Variants in ESRRA observed in about 807,000 individuals in gnomAD.
ESRRA encodes steroid hormone receptor ERR1.
ESRRA carries 7 observed loss-of-function variants against 35.6 expected under a neutral mutation model. That is an observed-to-expected ratio of 0.20 (90% CI 0.11 to 0.37). The LOEUF (loss-of-function observed/expected upper bound fraction) is 0.37, where lower values mean the gene tolerates loss of function less well. Among genes scored for constraint, ESRRA ranks in the 10% least tolerant of loss-of-function variants. ESRRA has a pLI of 1.00. For missense variants in ESRRA, 378 were observed against 561.7 expected (o/e 0.67, Z 3.31); for synonymous variants, 223 against 246.9 (o/e 0.90, Z 0.91).
chr11:64,314,709 T>G, intron 4 of ESRRA, 32 bp from the exon 5 acceptor site: 1 of 1,589,176 alleles, frequency 6.3e-7, no homozygotes, highest in Non-Finnish European at 8.6e-7. Flanking sequence ...CAGATTCGAG[T>G]GCTCCTGACT....
intron 2 of ESRRA, among the ~76,000 whole-genome samples, chr11:64,307,783 G>C (rs41294392): frequency 9.8e-5 from 15 of 152,316 alleles, no homozygotes; most frequent in Non-Finnish European, 2.1e-4. Context: ...GGCAGCCTCT[G>C]TCTGTTCCTA....
Position 64,316,438 on chromosome 11 carries a change from C to T in ESRRA, c.*472C>T, listed in dbSNP as rs2035266935. 1 of 200,882 alleles carries T rather than the reference C, an allele frequency of 5.0e-6. No homozygotes were observed. Among genetic ancestry groups the T allele is most frequent in the Non-Finnish European group, 1.0e-5 (1 of 96,254 alleles). 12.4% of individuals were successfully genotyped at this position (200,882 alleles called of 1,614,324 possible). A position where few individuals can be genotyped will look rare whatever the true frequency, so the allele number is the denominator to read the frequency against. On this transcript the variant is annotated 3_prime_UTR_variant, in exon 7 of 7. Transcript: ENST00000000442. ...TCATTTGCATTGGGCATTAGTGTCC[C>T]CCCTTGAAGCAATAACTCCAAGCAG...
In ESRRA at chr11:64,313,916, G is replaced by C. The variant is rs1158777504; in HGVS notation, c.326-35G>C. On this transcript the variant is annotated intron_variant, in intron 2 of 6. Coordinates refer to ENST00000000442, the MANE Select transcript of ESRRA (RefSeq NM_004451.5). This position sits in a 1 kb window ranked among gnomAD's most constrained non-coding sequence, Gnocchi z 4.0. Reference sequence around the variant, plus strand: ...CAGCTGGGTCCCCTCCCAGCCCCGGGAGGCCGCCACTGGAGCCCTGCCTCT... The same window carrying C: ...CAGCTGGGTCCCCTCCCAGCCCCGGCAGGCCGCCACTGGAGCCCTGCCTCT... The C allele has an allele frequency of 6.8e-7, 1 of 1,465,262 alleles. No homozygotes were observed. Among genetic ancestry groups the C allele is most frequent in the Non-Finnish European group, 9.3e-7 (1 of 1,078,798 alleles). The allele number at this position is 1,465,262 out of a possible 1,614,324, so 90.8% of individuals were successfully genotyped here. A position where few individuals can be genotyped will look rare whatever the true frequency, so the allele number is the denominator to read the frequency against.
At position 64,313,869 on chromosome 11, in the gene ESRRA, G is replaced by C; in HGVS notation, c.326-82G>C. On this transcript the variant is annotated intron_variant, in intron 2 of 6. Transcript: ENST00000000442. The surrounding 1 kb of genome is among the most constrained non-coding windows in gnomAD (Gnocchi z 4.0). Reference sequence around the variant, plus strand: ...ATACCCCCAGACCTGTGCTTGCCCGGGGAGAGTCAGGGCTCTCCTGTCAGC... The same window carrying C: ...ATACCCCCAGACCTGTGCTTGCCCGCGGAGAGTCAGGGCTCTCCTGTCAGC... 7.5e-6 allele frequency: 7 copies of C among 929,706 alleles called. No individual in the cohort carries two copies. The highest frequency in any genetic ancestry group is 4.8e-5 in the South Asian group (3 of 62,140). 57.6% of individuals were successfully genotyped at this position (929,706 alleles called of 1,614,324 possible).
At chr11:64,309,673 C>G (rs1424563262) in intron 2 of ESRRA, among the ~76,000 whole-genome samples, 1 of 150,888 alleles carries the variant, frequency 6.6e-6, no homozygotes, top group African/African-American at 2.4e-5. Flanking sequence ...GTGGCTCACA[C>G]CTGTAATCTC....
rs1344586273 is a variant in ESRRA at position 64,316,046 on chromosome 11, G to T, written c.*80G>T. ...GCCCCAAGGGCTGGGGCGGAGCTGGGGTCTGGGCAGTGCCACAGCCTGCTG... is the reference window on the plus strand; with the variant it reads ...GCCCCAAGGGCTGGGGCGGAGCTGGTGTCTGGGCAGTGCCACAGCCTGCTG... On this transcript the variant is annotated 3_prime_UTR_variant, in exon 7 of 7. Transcript: ENST00000000442. 28 of 1,479,440 alleles carry T rather than the reference G, an allele frequency of 1.9e-5. No homozygotes were observed. The highest frequency in any genetic ancestry group is 2.4e-5 in the Non-Finnish European group (26 of 1,102,842). The allele number at this position is 1,479,440 out of a possible 1,614,324, so 91.6% of individuals were successfully genotyped here.
intron 6 of ESRRA, 68 bp downstream of exon 6, chr11:64,315,338 T>C (rs2135261666): frequency 4.1e-6 from 6 of 1,469,602 alleles, no homozygotes; most frequent in Admixed American, 2.4e-5. Flanking sequence ...TCAGTGACGG[T>C]AGCACAGCCC....
intron 1 of ESRRA, 86 bp from the exon 2 acceptor site, chr11:64,307,082 C>T: frequency 1.7e-6 from 2 of 1,201,634 alleles, no homozygotes; most frequent in East Asian, 5.0e-5. Context: ...TGGCCCTAGG[C>T]CCGAGGTTGG....
intron 2 of ESRRA, among the ~76,000 whole-genome samples, chr11:64,310,095 G>A (rs2035110332): frequency 6.6e-6 from 1 of 152,138 alleles, no homozygotes; most frequent in African/African-American, 2.4e-5. Context: ...TCACAACTAG[G>A]AAATGGCAGA....
intron 6 of ESRRA, 140 bp from the exon 7 acceptor site, chr11:64,315,567 A>G (rs1441755911): frequency 7.3e-6 from 9 of 1,237,802 alleles, no homozygotes; most frequent in Non-Finnish European, 1.0e-5. Flanking sequence ...AGCCGCAGCA[A>G]TGAGTGGTGC....
chr11:64,315,561 G>A (rs2035232009), intron 6 of ESRRA, 146 bp from the exon 7 acceptor site: 45 of 1,195,822 alleles, frequency 3.8e-5, no homozygotes, highest in South Asian at 2.0e-4. Context: ...CCCACGAGCC[G>A]CAGCAATGAG....
Position 64,313,454 on chromosome 11 carries a change from C to G in ESRRA, c.326-497C>G, listed in dbSNP as rs2035180551. Among the ~76,000 whole-genome samples the G allele has an allele frequency of 6.6e-6, 1 of 152,114 alleles. No individual in the cohort carries two copies. The highest frequency in any genetic ancestry group is 2.4e-5 in the African/African-American group (1 of 41,400). ...AGATGAGCTCCAAGGACAGCCCTGG[C>G]AGTCTGGATGGAAGAGCTTGGGAAG... On this transcript the variant is annotated intron_variant, in intron 2 of 6. Coordinates refer to ENST00000000442, the MANE Select transcript of ESRRA (RefSeq NM_004451.5). The surrounding 1 kb of genome is among the most constrained non-coding windows in gnomAD (Gnocchi z 4.0).
chr11:64,311,169 A>G (rs2135254323), intron 2 of ESRRA, among the ~76,000 whole-genome samples: 1 of 152,324 alleles, frequency 6.6e-6, no homozygotes, highest in East Asian at 1.9e-4. Context: ...GGACTTGCCC[A>G]AGGTCATAAA....
intron 1 of ESRRA, among the ~76,000 whole-genome samples, 156 bp from the exon 2 acceptor site, chr11:64,307,012 C>G (rs1233737554): frequency 6.6e-6 from 1 of 152,132 alleles, no homozygotes; most frequent in Non-Finnish European, 1.5e-5. Flanking sequence ...GGCAGTGTTC[C>G]TGGGCAGTCC....
intron 2 of ESRRA, among the ~76,000 whole-genome samples, chr11:64,311,559 G>A (rs1191435344): frequency 6.6e-6 from 1 of 151,572 alleles, no homozygotes; most frequent in Non-Finnish European, 1.5e-5. Context: ...GGGATTACAG[G>A]CGCATGGCAC....
Position 64,316,258 on chromosome 11 carries a change from C to T in ESRRA, c.*292C>T, listed in dbSNP as rs1412525467. The T allele has an allele frequency of 3.3e-5, 11 of 328,914 alleles. No individual in the cohort carries two copies. The highest frequency in any genetic ancestry group is 6.2e-5 in the Non-Finnish European group (11 of 176,832). The allele number at this position is 328,914 out of a possible 1,614,324, so 20.4% of individuals were successfully genotyped here. Reference sequence around the variant, plus strand: ...AAGCCATAGGGGGCTGCACGGGATGCGTGGGAGGCAGAAACCTATCTCAGG... The same window carrying T: ...AAGCCATAGGGGGCTGCACGGGATGTGTGGGAGGCAGAAACCTATCTCAGG... On this transcript the variant is annotated 3_prime_UTR_variant, in exon 7 of 7. Transcript: ENST00000000442.
rs41294400 is a variant in ESRRA at position 64,311,306 on chromosome 11, C to T, written c.326-2645C>T. Reference sequence around the variant, plus strand: ...GTTTCTGCCCTCAGGCAGTTTACATCCTGGCAGAGGGGAGAGCTGGGCAAC... The same window carrying T: ...GTTTCTGCCCTCAGGCAGTTTACATTCTGGCAGAGGGGAGAGCTGGGCAAC... On this transcript the variant is annotated intron_variant, in intron 2 of 6. Coordinates refer to ENST00000000442, the MANE Select transcript of ESRRA (RefSeq NM_004451.5). Among the ~76,000 whole-genome samples the T allele has an allele frequency of 2.7e-3, 418 of 152,286 alleles. 5 individuals are homozygous for T. In the East Asian group the frequency reaches 0.042, roughly 15 times the overall value.
Position 64,311,982 on chromosome 11 carries a change from C to CT in ESRRA, c.326-1956dup, listed in dbSNP as rs544336819. Among the ~76,000 whole-genome samples the CT allele has an allele frequency of 3.1e-3, 209 of 68,408 alleles. 20 individuals are homozygous for CT. Among genetic ancestry groups the CT allele is most frequent in the African/African-American group, 0.01 (203 of 19,556 alleles). The allele number at this position is 68,408 out of a possible 152,430, so 44.9% of individuals were successfully genotyped here. A position where few individuals can be genotyped will look rare whatever the true frequency, so the allele number is the denominator to read the frequency against. On this transcript the variant is annotated intron_variant, in intron 2 of 6. Coordinates refer to ENST00000000442, the MANE Select transcript of ESRRA (RefSeq NM_004451.5). ...ATAGGCGTGAGCCACTGCGCCTGGC[C>CT]TTTTTTTTTTTTTGGTACAGAGTTT...
In ESRRA at chr11:64,306,937, A is replaced by AG. The variant is rs2135247309; in HGVS notation, c.-12-226dup. The AG allele has an allele frequency of 1.3e-5, 5 of 394,620 alleles. No homozygotes were observed. The South Asian group carries it at 3.1e-4, about 25-fold the overall frequency. The allele number at this position is 394,620 out of a possible 1,614,324, so 24.4% of individuals were successfully genotyped here. On this transcript the variant is annotated intron_variant, in intron 1 of 6. Coordinates refer to ENST00000000442, the MANE Select transcript of ESRRA (RefSeq NM_004451.5). ...TTTCTAAGCCTCCCCCAGGTTCCCA[A>AG]GGGGGAGACCTGCTGTCAGTTACTG...
Sources: allele counts gnomAD v4.1 joint callset (sites outside exome capture counted in the v4.1 genomes callset), GRCh38; gene constraint gnomAD v4.1.1; non-coding constraint Gnocchi (gnomAD v3.1); transcripts MANE v1.5; gene names NCBI Gene and HGNC (gene_info 2026-07-23, HGNC 2026-07-21).